The following DACH1 variants were observed in gnomAD, a reference collection of about 807,000 sequenced individuals.
DACH1 encodes dachshund family transcription factor 1.
Under a neutral mutation model 54.2 loss-of-function variants are expected in DACH1, and 12 were observed. That is an observed-to-expected ratio of 0.22 (90% CI 0.14 to 0.36). The LOEUF (loss-of-function observed/expected upper bound fraction) is 0.36. Ranked by LOEUF, DACH1 falls within the 10% of genes least tolerant of loss-of-function variation. The pLI, the probability that DACH1 is intolerant of heterozygous loss-of-function variation, is 1.00. For synonymous variants in DACH1, 386 were observed against 366.2 expected (o/e 1.05, Z -0.62); for missense variants, 805 against 929.8 (o/e 0.87, Z 1.75).
intron 6 of DACH1, among the ~76,000 whole-genome samples, chr13:71,491,543 A>T (rs1026877384): frequency 6.6e-6 from 1 of 152,190 alleles, no homozygotes; most frequent in African/African-American, 2.4e-5. Flanking sequence ...CATAGCGAAG[A>T]GACTACGTAA....
chr13:71,847,992 A>C (rs1197691832), intron 1 of DACH1, among the ~76,000 whole-genome samples: 1 of 152,186 alleles, frequency 6.6e-6, no homozygotes, highest in Non-Finnish European at 1.5e-5. Flanking sequence ...GCTTGGTCAT[A>C]TCTCTCAAAA....
intron 1 of DACH1, among the ~76,000 whole-genome samples, chr13:71,780,289 T>C (rs1886318169): frequency 6.6e-6 from 1 of 152,200 alleles, no homozygotes; most frequent in South Asian, 2.1e-4. Context: ...AGTTTTTTCA[T>C]TGTGCTATAT....
At chr13:71,692,476 TCTTTC>T (rs1425972362) in intron 1 of DACH1, among the ~76,000 whole-genome samples, 229 of 151,288 alleles carry the variant, frequency 1.5e-3, no homozygotes, top group African/African-American at 5.3e-3. Context: ...TTTCTTTCTT[TCTTTC>T]CTTTCTTTTT....
chr13:71,822,567 C>T (rs965545856), intron 1 of DACH1, among the ~76,000 whole-genome samples: 7 of 152,010 alleles, frequency 4.6e-5, no homozygotes, highest in African/African-American at 1.2e-4. Flanking sequence ...AAACTTTCCT[C>T]GATTAGCGTT....
At chr13:71,848,356 A>G (rs1295721697) in intron 1 of DACH1, among the ~76,000 whole-genome samples, 1 of 152,180 alleles carries the variant, frequency 6.6e-6, no homozygotes, top group Non-Finnish European at 1.5e-5. Context: ...ATATGTATAT[A>G]AGGACTTTGT....
chr13:71,532,041 CTCTT>C (rs1187613652), intron 6 of DACH1, among the ~76,000 whole-genome samples: 3 of 151,934 alleles, frequency 2.0e-5, no homozygotes, highest in Non-Finnish European at 2.9e-5. Flanking sequence ...TGTTCACTCT[CTCTT>C]TCATTTGGAA....
At chr13:71,608,956 C>T (rs1875098880) in intron 3 of DACH1, among the ~76,000 whole-genome samples, 1 of 152,044 alleles carries the variant, frequency 6.6e-6, no homozygotes, top group South Asian at 2.1e-4. Flanking sequence ...AAAACAGGAA[C>T]TCTACCCAAC....
intron 1 of DACH1, among the ~76,000 whole-genome samples, chr13:71,780,864 T>C (rs1886339733): frequency 6.6e-6 from 1 of 152,188 alleles, no homozygotes; most frequent in Non-Finnish European, 1.5e-5. Flanking sequence ...CCGGTCTCAG[T>C]GGCTCATGTC....
At chr13:71,837,704 GAC>G (rs34759257) in intron 1 of DACH1, among the ~76,000 whole-genome samples, 54,819 of 143,614 alleles carry the variant, frequency 0.38, 13,347 homozygotes, top group East Asian at 0.81. Flanking sequence ...CTGCTATAAA[GAC>G]ACACATGCAC....
chr13:71,449,728 C>T (rs1874846311), intron 10 of DACH1, among the ~76,000 whole-genome samples: 1 of 151,880 alleles, frequency 6.6e-6, no homozygotes, highest in African/African-American at 2.4e-5. Flanking sequence ...TTAAAAAAGG[C>T]TGGTATGAAG....
chr13:71,688,107 G>T (rs1881274728), intron 1 of DACH1, among the ~76,000 whole-genome samples: 1 of 152,078 alleles, frequency 6.6e-6, no homozygotes, highest in Non-Finnish European at 1.5e-5. Flanking sequence ...CTAAAAAGCA[G>T]ATGATTATAA....
Position 71,676,088 on chromosome 13 carries a change from A to G in DACH1, c.964+5707T>C, listed in dbSNP as rs529688363. 3.3e-5 allele frequency among the ~76,000 whole-genome samples: 5 copies of G among 152,318 alleles called. No individual in the cohort carries two copies. The South Asian group carries it at 1.0e-3, about 32-fold the overall frequency. On this transcript the variant is annotated intron_variant, in intron 2 of 10. Coordinates refer to ENST00000613252, the MANE Select transcript of DACH1 (RefSeq NM_080759.6). ...AGGCATACAGTAGATTGTTATGTTTAATTTATTAGTGAAGACAATCCAACA... is the reference window on the plus strand; with the variant it reads ...AGGCATACAGTAGATTGTTATGTTTGATTTATTAGTGAAGACAATCCAACA...
At chr13:71,655,372 A>AT (rs1188983203) in intron 2 of DACH1, among the ~76,000 whole-genome samples, 171 of 137,858 alleles carry the variant, frequency 1.2e-3, no homozygotes, top group Middle Eastern at 3.7e-3. Flanking sequence ...TTTTTTTTTA[A>AT]TTTTTTTTTT....
chr13:71,820,189 G>A (rs1177837653), intron 1 of DACH1, among the ~76,000 whole-genome samples: 1 of 147,942 alleles, frequency 6.8e-6, no homozygotes, highest in Non-Finnish European at 1.5e-5. Context: ...ATGGAAGAAA[G>A]AGAAATACCA....
intron 1 of DACH1, among the ~76,000 whole-genome samples, chr13:71,805,544 A>T (rs576057288): frequency 6.6e-6 from 1 of 152,188 alleles, no homozygotes; most frequent in Non-Finnish European, 1.5e-5. Context: ...AATAAAATTA[A>T]ACCCACCAGC....
intron 1 of DACH1, among the ~76,000 whole-genome samples, chr13:71,715,692 A>G (rs1258380892): frequency 1.3e-5 from 2 of 151,986 alleles, no homozygotes; most frequent in Admixed American, 1.3e-4. Flanking sequence ...TGAGAACGAG[A>G]TATGTCTTTT....
At chr13:71,852,563 T>G (rs1188710968) in intron 1 of DACH1, among the ~76,000 whole-genome samples, 2 of 152,190 alleles carry the variant, frequency 1.3e-5, no homozygotes, top group African/African-American at 4.8e-5. Flanking sequence ...AGAGGAAGTT[T>G]GCTTAAAAAT....
At chr13:71,559,748 C>A (rs1271255761) in intron 5 of DACH1, 72 bp downstream of exon 5, 2 of 1,573,758 alleles carry the variant, frequency 1.3e-6, no homozygotes. Flanking sequence ...GGAATGAGGG[C>A]ATGTTGATTA....
chr13:71,728,660 A>G (rs1308030334), intron 1 of DACH1, among the ~76,000 whole-genome samples: 1 of 152,048 alleles, frequency 6.6e-6, no homozygotes, highest in Non-Finnish European at 1.5e-5. Context: ...CAAACAACAG[A>G]TAAGCTCATG....
Sources: gnomAD v4.1 joint callset for allele counts (sites outside exome capture counted in the v4.1 genomes callset) on GRCh38, gnomAD v4.1.1 for gene constraint, MANE v1.5 for transcripts, NCBI Gene and HGNC (gene_info 2026-07-23, HGNC 2026-07-21) for gene names.